The following KIF3B variants were observed in gnomAD, a reference collection of about 807,000 sequenced individuals.
KIF3B encodes kinesin family member 3B, also known as kinesin-like protein KIF3B.
KIF3B carries 38 observed loss-of-function variants against 74.3 expected under a neutral mutation model. That is an observed-to-expected ratio of 0.51 (90% CI 0.39 to 0.67). The LOEUF (loss-of-function observed/expected upper bound fraction) is 0.67, where lower values mean the gene tolerates loss of function less well. Among genes scored for constraint, KIF3B ranks in the 30% least tolerant of loss-of-function variants. The probability of loss-of-function intolerance (pLI) is 0.00; values close to 1 mark genes in which losing one functional copy is unlikely to be tolerated. For missense variants in KIF3B, 649 were observed against 932.0 expected (o/e 0.70, Z 3.95); for synonymous variants, 326 against 342.5 (o/e 0.95, Z 0.53).
At chr20:32,323,793 G>C (rs1229949740) in intron 5 of KIF3B, among the ~76,000 whole-genome samples, 2 of 152,002 alleles carry the variant, frequency 1.3e-5, no homozygotes, top group Admixed American at 6.6e-5. Flanking sequence ...CAGGAAAATT[G>C]CTTGAACCTG....
intron 1 of KIF3B, among the ~76,000 whole-genome samples, chr20:32,292,583 G>GAACAAAAAAAAA (rs2047697366): frequency 1.4e-5 from 1 of 71,822 alleles, no homozygotes. Flanking sequence ...ACTAAAAATA[G>GAACAAAAAAAAA]AAAAAAAAAA....
At position 32,327,800 on chromosome 20, in the gene KIF3B, A is replaced by G. The variant is rs2047911591; in HGVS notation, c.1968+139A>G. 11 of 543,070 alleles carry G rather than the reference A, an allele frequency of 2.0e-5. No individual in the cohort carries two copies. In the South Asian group the frequency reaches 2.4e-4, roughly 12 times the overall value. The allele number at this position is 543,070 out of a possible 1,614,324, so 33.6% of individuals were successfully genotyped here. On this transcript the variant is annotated intron_variant, in intron 7 of 8. Transcript: ENST00000375712. Reference sequence around the variant, plus strand: ...GACATTTATACCAATAACAATTATAACAAATAATAAATAAATAAGCCGAGC... The same window carrying G: ...GACATTTATACCAATAACAATTATAGCAAATAATAAATAAATAAGCCGAGC...
At chr20:32,319,353 T>C (rs2047845290) in intron 5 of KIF3B, among the ~76,000 whole-genome samples, 4 of 151,950 alleles carry the variant, frequency 2.6e-5, no homozygotes, top group African/African-American at 9.7e-5. Flanking sequence ...TAGTTTTGAT[T>C]TGCATATTTC....
intron 1 of KIF3B, among the ~76,000 whole-genome samples, chr20:32,301,558 G>A (rs2047744342): frequency 6.6e-6 from 1 of 151,174 alleles, no homozygotes; most frequent in African/African-American, 2.4e-5. Flanking sequence ...TGTATTTTTA[G>A]TAAAGACGGG....
intron 5 of KIF3B, among the ~76,000 whole-genome samples, chr20:32,326,539 C>T (rs1178838900): frequency 6.6e-6 from 1 of 152,150 alleles, no homozygotes; most frequent in East Asian, 1.9e-4. Flanking sequence ...ACTGTCAGTA[C>T]CTATTATACC....
At chr20:32,315,616 G>A (rs1466653695) in intron 2 of KIF3B, among the ~76,000 whole-genome samples, 2 of 152,294 alleles carry the variant, frequency 1.3e-5, no homozygotes, top group Non-Finnish European at 2.9e-5. Flanking sequence ...GGGAGGCTGA[G>A]GTGGGAGGAT....
intron 6 of KIF3B, 45 bp downstream of exon 6, chr20:32,326,929 G>C: frequency 1.1e-6 from 1 of 947,570 alleles, no homozygotes; most frequent in Non-Finnish European, 1.6e-6. Context: ...TATGAGGGAG[G>C]AAAAGAATGT....
At chr20:32,312,585 C>G (rs1175343982) in intron 2 of KIF3B, among the ~76,000 whole-genome samples, 1 of 152,180 alleles carries the variant, frequency 6.6e-6, no homozygotes, top group Non-Finnish European at 1.5e-5. Context: ...TGGAATCCCA[C>G]TCATGCCATT....
At chr20:32,304,863 AG>A (rs2047761866) in intron 1 of KIF3B, among the ~76,000 whole-genome samples, 1 of 151,906 alleles carries the variant, frequency 6.6e-6, no homozygotes, top group African/African-American at 2.4e-5. Context: ...AAAAACAGCC[AG>A]GCATGGTGGC....
chr20:32,329,633 T>C (rs1039894686), intron 7 of KIF3B, among the ~76,000 whole-genome samples: 1 of 152,196 alleles, frequency 6.6e-6, no homozygotes, highest in Non-Finnish European at 1.5e-5. Flanking sequence ...TGAACTAGGA[T>C]ACACAACGTA....
At chr20:32,285,077 A>G (rs1392808356) in intron 1 of KIF3B, among the ~76,000 whole-genome samples, 1 of 149,492 alleles carries the variant, frequency 6.7e-6, no homozygotes, top group African/African-American at 2.5e-5. Flanking sequence ...CCATACCTGC[A>G]TAACTAATTT....
chr20:32,323,077 T>TA (rs2047881505), intron 5 of KIF3B, among the ~76,000 whole-genome samples: 1 of 117,750 alleles, frequency 8.5e-6, no homozygotes, highest in African/African-American at 3.6e-5. Flanking sequence ...TATTTATATA[T>TA]TTATATATAT....
intron 1 of KIF3B, among the ~76,000 whole-genome samples, chr20:32,288,309 T>G (rs2047676373): frequency 6.6e-6 from 1 of 152,076 alleles, no homozygotes; most frequent in South Asian, 2.1e-4. Context: ...GGCAGCATAG[T>G]GAGACCCCAT....
rs1449921696 is a variant in KIF3B at position 32,316,833 on chromosome 20, A to G, written c.1707A>G (p.Leu569=). Residue 569 remains leucine, a synonymous_variant, in exon 5 of 9, where the codon CTA becomes CTG. Transcript: ENST00000375712. ...AACACATCAAGGAGCGCCAAGAGCT[A>G]GAGCAGACTCAGAATGAGCTCACCA... ...QEEHIKERQE[L]EQTQNELTRE... is the part of the protein sequence containing the mutation. 6.2e-7 allele frequency: 1 copy of G among 1,614,110 alleles called. No individual in the cohort carries two copies. Among genetic ancestry groups the G allele is most frequent in the Non-Finnish European group, 8.5e-7 (1 of 1,179,984 alleles).
chr20:32,322,563 G>A, intron 5 of KIF3B, among the ~76,000 whole-genome samples: 1 of 141,262 alleles, frequency 7.1e-6, no homozygotes, highest in African/African-American at 2.7e-5. Flanking sequence ...AGCCGAGATT[G>A]CGCCATTGCA....
intron 5 of KIF3B, among the ~76,000 whole-genome samples, chr20:32,319,941 CT>C (rs2047850919): frequency 6.6e-6 from 1 of 151,842 alleles, no homozygotes; most frequent in African/African-American, 2.4e-5. Context: ...GTCACCCAGG[CT>C]GGAGTGCAAT....
intron 3 of KIF3B, 53 bp downstream of exon 3, chr20:32,316,372 C>G: frequency 6.5e-7 from 1 of 1,532,466 alleles, no homozygotes. Context: ...TGTGTTTATG[C>G]TGCAGAGCAA....
In KIF3B at chr20:32,297,565, G is replaced by A. The variant is rs1041054349; in HGVS notation, c.-65-12148G>A. On this transcript the variant is annotated intron_variant, in intron 1 of 8. Transcript: ENST00000375712. ...ATTTTCCATGTCATTACAGAGCCTC[G>A]GCAAATGGCATTTAAAAAGATGGGC... is the stretch of plus-strand genomic sequence containing the variant. Among the ~76,000 whole-genome samples the A allele has an allele frequency of 4.6e-5, 7 of 151,950 alleles. No homozygotes were observed. In the East Asian group the frequency reaches 5.8e-4, roughly 13 times the overall value.
At chr20:32,322,826 A>AC (rs2047874842) in intron 5 of KIF3B, among the ~76,000 whole-genome samples, 56 of 68,110 alleles carry the variant, frequency 8.2e-4, no homozygotes, top group African/African-American at 3.5e-3. Flanking sequence ...ATATATTTAT[A>AC]TGTATATTTT....
Sources: gnomAD v4.1 joint callset for allele counts (sites outside exome capture counted in the v4.1 genomes callset) on GRCh38, gnomAD v4.1.1 for gene constraint, MANE v1.5 for transcripts, NCBI Gene and HGNC (gene_info 2026-07-23, HGNC 2026-07-21) for gene names.